The following TFF2 variants were observed in gnomAD, a reference collection of about 807,000 sequenced individuals.
TFF2 encodes spasmolysin.
Under a neutral mutation model 16.0 loss-of-function variants are expected in TFF2, and 19 were observed. The observed-to-expected ratio is 1.19, with a 90% CI of 0.83 to 1.74. TFF2 has a LOEUF of 1.74. Among genes scored for constraint, TFF2 ranks in the 40% most tolerant of loss-of-function variants. The pLI is 0.00. For synonymous variants in TFF2, 61 were observed against 65.4 expected (o/e 0.93, Z 0.32); for missense variants, 168 against 166.8 (o/e 1.01, Z -0.04).
Position 42,350,918 on chromosome 21 carries a change from C to T in TFF2, c.40G>A (p.Val14Ile), listed in dbSNP as rs765949011. Residue 14 changes from valine (V) to isoleucine (I), a missense_variant, in exon 1 of 4, where the codon GTC becomes ATC. Coordinates refer to ENST00000291526, the MANE Select transcript of TFF2 (RefSeq NM_005423.5). The part of the protein sequence containing the change: ...RDAQLLAALL[V>I]LGLCALAGSE... Reference sequence around the variant, plus strand: ...CCCGCCAGGGCACATAGCCCCAGGACGAGGAGCGCTGCCAGGAGCTGGGCG... The same window carrying T: ...CCCGCCAGGGCACATAGCCCCAGGATGAGGAGCGCTGCCAGGAGCTGGGCG... 1.1e-5 allele frequency: 18 copies of T among 1,613,926 alleles called. No homozygotes were observed. The highest frequency in any genetic ancestry group is 1.7e-4 in the Middle Eastern group (1 of 6,018).
At chr21:42,349,626 TAGACTAACCAACCTGGGCTAGCCCC>T (rs1276045900) in intron 2 of TFF2, among the ~76,000 whole-genome samples, 452 of 141,872 alleles carry the variant, frequency 3.2e-3, no homozygotes, top group Middle Eastern at 0.013. Context: ...ACACTAGCCC[TAGACTAACCAACCTGGGCTAGCCCC>T]AGACTAACCA....
chr21:42,349,200 A>G (rs914865005), intron 2 of TFF2, among the ~76,000 whole-genome samples: 6 of 149,852 alleles, frequency 4.0e-5, no homozygotes, highest in African/African-American at 1.5e-4. Context: ...AGACTAACAA[A>G]CCTAGGCTAC....
chr21:42,349,796 C>T, intron 2 of TFF2, 85 bp downstream of exon 2: 4 of 1,402,564 alleles, frequency 2.9e-6, no homozygotes, highest in South Asian at 2.7e-5. Context: ...ACTGGGCCTC[C>T]TCCGGCCCCT....
chr21:42,350,185 G>A, intron 1 of TFF2, 155 bp from the exon 2 acceptor site: 1 of 1,292,350 alleles, frequency 7.7e-7, no homozygotes, highest in Non-Finnish European at 9.8e-7. Context: ...GTTTCCTCCT[G>A]AGAAGCCGAT....
At chr21:42,348,531 G>A (rs577315612) in intron 2 of TFF2, among the ~76,000 whole-genome samples, 6 of 152,166 alleles carry the variant, frequency 3.9e-5, no homozygotes, top group Non-Finnish European at 8.8e-5. Context: ...CAGGGTAGGT[G>A]GGAAATTTTC....
chr21:42,349,083 C>T (rs986428760), intron 2 of TFF2, among the ~76,000 whole-genome samples: 9 of 151,674 alleles, frequency 5.9e-5, no homozygotes, highest in Non-Finnish European at 1.0e-4. Flanking sequence ...CCAACCTGGG[C>T]TAGCTCCAGA....
intron 1 of TFF2, among the ~76,000 whole-genome samples, chr21:42,350,516 A>G (rs796966819): frequency 2.0e-5 from 3 of 152,300 alleles, no homozygotes; most frequent in African/African-American, 4.8e-5. Context: ...CTGGGCGGCA[A>G]AGCCAGATCC....
At chr21:42,350,166 A>G (rs1007662790) in intron 1 of TFF2, 136 bp from the exon 2 acceptor site, 6 of 1,355,038 alleles carry the variant, frequency 4.4e-6, no homozygotes, top group Non-Finnish European at 2.9e-6. Context: ...CCCATATTTA[A>G]GCAATGCGGT....
intron 3 of TFF2, among the ~76,000 whole-genome samples, chr21:42,346,947 G>A (rs914151195): frequency 6.6e-6 from 1 of 152,202 alleles, no homozygotes; most frequent in Non-Finnish European, 1.5e-5. Flanking sequence ...CACACTCCGA[G>A]TCAGGAACAC....
At chr21:42,350,807 T>C in intron 1 of TFF2, 72 bp downstream of exon 1, 1 of 1,474,886 alleles carries the variant, frequency 6.8e-7, no homozygotes, top group South Asian at 1.2e-5. Context: ...CAAGTTAATT[T>C]ATGGTTGTGC....
At position 42,347,474 on chromosome 21, in the gene TFF2, C is replaced by T; in HGVS notation, c.376+12G>A. The T allele has an allele frequency of 6.2e-7, 1 of 1,614,096 alleles. No individual in the cohort carries two copies. Among genetic ancestry groups the T allele is most frequent in the Non-Finnish European group, 8.5e-7 (1 of 1,179,962 alleles). On this transcript the variant is annotated intron_variant, in intron 3 of 3. Coordinates refer to ENST00000291526, the MANE Select transcript of TFF2 (RefSeq NM_005423.5). The stretch of plus-strand genomic sequence containing the variant: ...TCCGGGAACCAGACAGAGAGTCCCA[C>T]AGCGACGTTACCTTCCACAGACTTC...
rs148359223 is a variant in TFF2, at chr21:42,346,411, A to G, written c.*122T>C. 2.2e-5 allele frequency: 28 copies of G among 1,271,752 alleles called. No individual in the cohort carries two copies. In the Admixed American group the frequency reaches 5.0e-4, roughly 23 times the overall value. The allele number at this position is 1,271,752 out of a possible 1,614,324, so 78.8% of individuals were successfully genotyped here. On this transcript the variant is annotated 3_prime_UTR_variant, in exon 4 of 4. Transcript: ENST00000291526. ...GAAATTATATGTTAAACCATTGAAA[A>G]TGAGGAAAAGATGGTTAAGAAAACC...
chr21:42,350,600 C>A (rs898862722), intron 1 of TFF2, among the ~76,000 whole-genome samples: 1 of 152,148 alleles, frequency 6.6e-6, no homozygotes, highest in Admixed American at 6.5e-5. Flanking sequence ...AAGATCCAGG[C>A]GAGAGGTGAG....
intron 2 of TFF2, among the ~76,000 whole-genome samples, chr21:42,349,133 T>C (rs1263584500): frequency 6.7e-6 from 1 of 148,366 alleles, no homozygotes; most frequent in Non-Finnish European, 1.5e-5. Context: ...CAACCTGGGC[T>C]AGCCCTAGAC....
intron 2 of TFF2, among the ~76,000 whole-genome samples, chr21:42,347,914 G>A (rs1278182251): frequency 4.6e-5 from 7 of 152,220 alleles, no homozygotes; most frequent in Admixed American, 4.6e-4. Flanking sequence ...ACAGTCAGAA[G>A]CTCTGGAGTC....
At chr21:42,349,130 GGCTAGCCCTAGACTAACCAGCCTAC>G (rs2052093142) in intron 2 of TFF2, among the ~76,000 whole-genome samples, 2 of 148,974 alleles carry the variant, frequency 1.3e-5, no homozygotes, top group African/African-American at 2.5e-5. Flanking sequence ...AACCAACCTG[GGCTAGCCCTAGACTAACCAGCCTAC>G]GCTAGCCCTA....
At position 42,350,933 on chromosome 21, in the gene TFF2, G is replaced by A. The variant is rs746987252; in HGVS notation, c.25C>T (p.Leu9=). 1 of 1,613,920 alleles carries A rather than the reference G, an allele frequency of 6.2e-7. No individual in the cohort carries two copies. Among genetic ancestry groups the A allele is most frequent in the Non-Finnish European group, 8.5e-7 (1 of 1,179,916 alleles). The change falls in exon 1 of 4, where the codon CTG becomes TTG. Residue 9 remains leucine (L), a synonymous_variant. Coordinates refer to ENST00000291526, the MANE Select transcript of TFF2 (RefSeq NM_005423.5). MGRRDAQL[L]AALLVLGLCA... ...AGCCCCAGGACGAGGAGCGCTGCCAGGAGCTGGGCGTCTCGCCGTCCCATG... is the reference window on the plus strand; with the variant it reads ...AGCCCCAGGACGAGGAGCGCTGCCAAGAGCTGGGCGTCTCGCCGTCCCATG...
Position 42,350,108 on chromosome 21 carries a change from G to T in TFF2, c.80-78C>A, listed in dbSNP as rs998412894. On this transcript the variant is annotated intron_variant, in intron 1 of 3. Transcript: ENST00000291526. ...CCTTCTCTCAGAGGTTCTAGGGGAT[G>T]CCTCTACTGTCTTGTTGCCACATAG... 31 of 1,495,094 alleles carry T rather than the reference G, an allele frequency of 2.1e-5. No homozygotes were observed. In the Admixed American group the frequency reaches 6.6e-4, roughly 32 times the overall value. 92.6% of individuals were successfully genotyped at this position (1,495,094 alleles called of 1,614,324 possible).
chr21:42,350,568 G>T (rs2052108944), intron 1 of TFF2, among the ~76,000 whole-genome samples: 1 of 152,168 alleles, frequency 6.6e-6, no homozygotes, highest in Non-Finnish European at 1.5e-5. Flanking sequence ...CTAGAGGAGG[G>T]TGAACAGATG....
Sources: allele counts gnomAD v4.1 joint callset (sites outside exome capture counted in the v4.1 genomes callset), GRCh38; gene constraint gnomAD v4.1.1; transcripts MANE v1.5; gene names NCBI Gene and HGNC (gene_info 2026-07-23, HGNC 2026-07-21).